Variants in RTTN observed in about 807,000 individuals in gnomAD.
RTTN encodes the protein rotatin.
A neutral mutation model predicts 269.2 loss-of-function variants in RTTN; 182 were observed. The ratio of observed to expected loss-of-function variants is 0.68; its 90% CI spans 0.60 to 0.76. RTTN has a LOEUF of 0.76. RTTN is among the 30% of genes least tolerant of loss of function. The pLI is 0.00. For missense variants in RTTN, 2,545 were observed against 2,608.6 expected (o/e 0.98, Z 0.53); for synonymous variants, 1,006 against 963.5 (o/e 1.04, Z -0.82).
chr18:70,048,207 A>G lies in RTTN; in HGVS notation c.5324-19T>C. The stretch of plus-strand genomic sequence containing the variant: ...AACATATCTAAAGGAATAATTTCAG[A>G]TGTGAATGTTTGAAAATTTCTTCAA... On this transcript the variant is annotated intron_variant, in intron 39 of 48. Transcript: ENST00000640769. 2 of 1,587,368 alleles carry G rather than the reference A, an allele frequency of 1.3e-6. No individual in the cohort carries two copies. The highest frequency in any genetic ancestry group is 1.7e-6 in the Non-Finnish European group (2 of 1,159,924).
chr18:70,054,305 G>T (rs752676067), intron 37 of RTTN, 21 bp from the exon 38 acceptor site: 1 of 1,586,500 alleles, frequency 6.3e-7, no homozygotes, highest in Admixed American at 1.8e-5. Flanking sequence ...AGGAGACAGG[G>T]TCAAATCAAA....
At chr18:70,090,687 C>T (rs985786435) in intron 30 of RTTN, among the ~76,000 whole-genome samples, 1 of 152,170 alleles carries the variant, frequency 6.6e-6, no homozygotes, top group African/African-American at 2.4e-5. Context: ...TCAAGGGTGG[C>T]TTTTCCTCCT....
At position 70,028,617 on chromosome 18, in the gene RTTN, T is replaced by A. The variant is rs2056920182; in HGVS notation, c.5823+107A>T. ...GACCAATCAACTGTGTGTCTAAAAA[T>A]TTAAAAGTCAGAGCTTTCCATTTTT... On this transcript the variant is annotated intron_variant, in intron 43 of 48. Transcript: ENST00000640769. The A allele has an allele frequency of 9.7e-6, 6 of 619,606 alleles. No homozygotes were observed. The South Asian group carries it at 1.2e-4, about 12-fold the overall frequency. 38.4% of individuals were successfully genotyped at this position (619,606 alleles called of 1,614,324 possible). A position where few individuals can be genotyped will look rare whatever the true frequency, so the allele number is the denominator to read the frequency against.
chr18:70,154,999 T>C (rs146760184), intron 14 of RTTN, among the ~76,000 whole-genome samples: 1,883 of 152,250 alleles, frequency 0.012, 23 homozygotes, highest in South Asian at 0.038. Context: ...ACAGACTCAA[T>C]AGAAGGAGGC....
intron 35 of RTTN, 104 bp from the exon 36 acceptor site, chr18:70,060,146 T>C (rs1040564569): frequency 8.5e-6 from 9 of 1,060,502 alleles, no homozygotes; most frequent in Non-Finnish European, 1.2e-5. Flanking sequence ...TGATAATGTA[T>C]AGTTGGGGAA....
At chr18:70,044,297 A>G (rs1281091261) in intron 40 of RTTN, among the ~76,000 whole-genome samples, 3 of 152,230 alleles carry the variant, frequency 2.0e-5, no homozygotes, top group Non-Finnish European at 4.4e-5. Context: ...CCTCATTTGC[A>G]TTACTACTTT....
Position 70,197,668 on chromosome 18 carries a change from C to A in RTTN, c.649G>T (p.Asp217Tyr). The change falls in exon 6 of 49, where the codon GAT (aspartate) becomes TAT (tyrosine). Residue 217 changes from aspartate to tyrosine, a missense_variant. Physicochemically the swap from Asp to Tyr is radical, Grantham distance 160 (BLOSUM62 -3). Coordinates refer to ENST00000640769, the MANE Select transcript of RTTN (RefSeq NM_173630.4). ...TGAAGGAAAATCTCAGCAGGAAAAT[C>A]TTGCATGATAACATCCTTCAATAGT... Reference protein sequence around the residue: ...CELLKDVIMQDFPAEIFLQRP... With the variant: ...CELLKDVIMQYFPAEIFLQRP... 6.2e-7 allele frequency: 1 copy of A among 1,613,946 alleles called. No individual in the cohort carries two copies. The highest frequency in any genetic ancestry group is 8.5e-7 in the Non-Finnish European group (1 of 1,179,840).
intron 12 of RTTN, 31 bp from the exon 13 acceptor site, chr18:70,167,062 G>A: frequency 7.0e-7 from 1 of 1,424,702 alleles, no homozygotes; most frequent in African/African-American, 1.4e-5. Context: ...AACAATAAAT[G>A]TCAAGTTCAT....
rs2058706647 is a variant in RTTN, at chr18:70,086,685, C to T, written c.4303-1G>A. The T allele has an allele frequency of 3.1e-6, 1 of 322,680 alleles. No homozygotes were observed. Among genetic ancestry groups the T allele is most frequent in the African/African-American group, 6.1e-5 (1 of 16,340 alleles). 20.0% of individuals were successfully genotyped at this position (322,680 alleles called of 1,614,324 possible). A position where few individuals can be genotyped will look rare whatever the true frequency, so the allele number is the denominator to read the frequency against. On this transcript the variant is annotated splice_acceptor_variant, in intron 31 of 48. Transcript: ENST00000640769. LOFTEE classifies it high-confidence loss of function. ...GGAGATTCTGAAGAATAAATGCCGC[C>T]TGAAAATGTAAAAAAAAAAAAAAAA...
At chr18:70,020,393 A>AT (rs1183340608) in intron 45 of RTTN, among the ~76,000 whole-genome samples, 1 of 152,322 alleles carries the variant, frequency 6.6e-6, no homozygotes, top group East Asian at 1.9e-4. Flanking sequence ...AAGAAGATAA[A>AT]TGAGAAGGAA....
In RTTN at chr18:70,054,128, T is replaced by C. The variant is rs755876761; in HGVS notation, c.5185+3A>G. The C allele has an allele frequency of 1.4e-5, 22 of 1,609,984 alleles. No homozygotes were observed. The highest frequency in any genetic ancestry group is 1.8e-5 in the Non-Finnish European group (21 of 1,176,658). Reference sequence around the variant, plus strand: ...CATTCTAAACTAAAACAATTAAGCTTACCTAATACATCTTTGGTACATATG... The same window carrying C: ...CATTCTAAACTAAAACAATTAAGCTCACCTAATACATCTTTGGTACATATG... On this transcript the variant is annotated splice_donor_region_variant and intron_variant, in intron 38 of 48. Transcript: ENST00000640769.
chr18:70,135,563 T>C (rs1038456895), intron 21 of RTTN, among the ~76,000 whole-genome samples: 3 of 152,154 alleles, frequency 2.0e-5, no homozygotes, highest in African/African-American at 7.2e-5. Context: ...GGAGCCACAC[T>C]TGTAGATACA....
chr18:70,112,393 G>A (rs2059491852), intron 27 of RTTN, among the ~76,000 whole-genome samples: 1 of 143,702 alleles, frequency 7.0e-6, no homozygotes. Flanking sequence ...CTATCAGTGT[G>A]CTATATTCAG....
At chr18:70,205,077 A>C (rs1568569695) in intron 2 of RTTN, 51 bp downstream of exon 2, 1 of 1,544,378 alleles carries the variant, frequency 6.5e-7, no homozygotes, top group Non-Finnish European at 8.8e-7. Flanking sequence ...TTAAATGACT[A>C]AGAAACAAGT....
At chr18:70,181,398 T>G (rs907648168) in intron 10 of RTTN, among the ~76,000 whole-genome samples, 2 of 152,190 alleles carry the variant, frequency 1.3e-5, no homozygotes, top group Admixed American at 1.3e-4. Flanking sequence ...AGGGAAAAAA[T>G]AGACCTGATT....
Position 70,109,604 on chromosome 18 carries a change from G to A in RTTN, c.3797C>T (p.Thr1266Ile). Residue 1266 changes from threonine (T) to isoleucine (I), a missense_variant, in exon 28 of 49, where the codon ACC (threonine) becomes ATC (isoleucine). By Grantham distance (89) the Thr-to-Ile change is moderately conservative. Transcript: ENST00000640769. ...HFYGLPSLER[T>I]LRGMANLTAF... ...AGTGAGGTTAGCCATCCCTCGTAAG[G>A]TCCGCTCAAGGGACGGCAGGCCATA... 1 of 1,614,032 alleles carries A rather than the reference G, an allele frequency of 6.2e-7. No homozygotes were observed. Among genetic ancestry groups the A allele is most frequent in the Non-Finnish European group, 8.5e-7 (1 of 1,180,020 alleles).
At chr18:70,178,601 A>G (rs1410125048) in intron 10 of RTTN, among the ~76,000 whole-genome samples, 1 of 152,164 alleles carries the variant, frequency 6.6e-6, no homozygotes, top group Non-Finnish European at 1.5e-5. Context: ...AAAAAGTTTA[A>G]ATTTTCCTAT....
chr18:70,078,480 A>G (rs1339502162), intron 32 of RTTN, among the ~76,000 whole-genome samples: 2 of 151,980 alleles, frequency 1.3e-5, no homozygotes, highest in Non-Finnish European at 2.9e-5. Flanking sequence ...GACATGAGAC[A>G]TGATATGGAC....
At chr18:70,035,806 T>C (rs1414524420) in intron 40 of RTTN, among the ~76,000 whole-genome samples, 7 of 152,254 alleles carry the variant, frequency 4.6e-5, no homozygotes, top group African/African-American at 1.4e-4. Flanking sequence ...CTGCAAACTA[T>C]GCATCAGACA....
Sources: gnomAD v4.1 joint callset for allele counts (sites outside exome capture counted in the v4.1 genomes callset) on GRCh38, gnomAD v4.1.1 for gene constraint, MANE v1.5 for transcripts, NCBI Gene and HGNC (gene_info 2026-07-23, HGNC 2026-07-21) for gene names.